The following TG variants were observed in gnomAD, a reference collection of about 807,000 sequenced individuals.
TG encodes thyroglobulin, also known as thyroid hormones.
A neutral mutation model predicts 324.7 loss-of-function variants in TG; 270 were observed. The ratio of observed to expected loss-of-function variants is 0.83; its 90% CI spans 0.75 to 0.92. TG has a LOEUF of 0.92. TG is among the 40% of genes least tolerant of loss of function. TG has a pLI of 0.00. For missense variants in TG, 3,591 were observed against 3,456.4 expected, an observed-to-expected ratio of 1.04 and a Z score of -0.98; for synonymous variants, 1,401 against 1,327.0, an observed-to-expected ratio of 1.06 and a Z score of -1.21.
intron 41 of TG, among the ~76,000 whole-genome samples, chr8:133,070,365 G>A (rs1051664041): frequency 6.6e-6 from 1 of 152,184 alleles, no homozygotes; most frequent in Non-Finnish European, 1.5e-5. Flanking sequence ...TTGCCCACAG[G>A]CCTCTCTATT....
At chr8:133,067,909 AG>A (rs767288690) in intron 41 of TG, among the ~76,000 whole-genome samples, 4,919 of 60,044 alleles carry the variant, frequency 0.082, 190 homozygotes, top group Non-Finnish European at 0.13. Context: ...GAAGGAAGGA[AG>A]GAAGGAAAGA....
chr8:132,893,021 GTGGTATGTGTGTA>G (rs1816476557), intron 10 of TG, among the ~76,000 whole-genome samples: 1 of 148,942 alleles, frequency 6.7e-6, no homozygotes, highest in Admixed American at 6.7e-5. Flanking sequence ...GTGTGTGTGT[GTGGTATGTGTGTA>G]TGGTATGTGA....
At chr8:133,075,257 T>C in intron 41 of TG, 1 of 397,638 alleles carries the variant, frequency 2.5e-6, no homozygotes, top group Non-Finnish European at 3.4e-6. Flanking sequence ...TCAATGGGGC[T>C]GTGAATTTGC....
chr8:132,931,640 A>G (rs1003561292), intron 23 of TG, among the ~76,000 whole-genome samples: 1 of 152,180 alleles, frequency 6.6e-6, no homozygotes, highest in African/African-American at 2.4e-5. Flanking sequence ...GCCAGGGTCT[A>G]GGGTGCTCAT....
chr8:133,110,104 C>T (rs966394318), intron 43 of TG, among the ~76,000 whole-genome samples: 7 of 152,256 alleles, frequency 4.6e-5, no homozygotes, highest in South Asian at 2.1e-4. Flanking sequence ...ATGCCTGCCA[C>T]GTAGCAAAGC....
At chr8:133,022,196 G>GTTTC (rs773087515) in intron 40 of TG, 46 bp downstream of exon 40, 9 of 1,612,922 alleles carry the variant, frequency 5.6e-6, no homozygotes, top group Non-Finnish European at 7.6e-6. Context: ...CTGAGCCAAG[G>GTTTC]CTCAGCCCCT....
chr8:132,887,586 G>C, intron 9 of TG, 38 bp downstream of exon 9: 1 of 1,614,054 alleles, frequency 6.2e-7, no homozygotes, highest in Non-Finnish European at 8.5e-7. Flanking sequence ...GGTTCCCTGA[G>C]TCTCTCTTTA....
At chr8:133,030,913 G>T (rs375950482) in intron 41 of TG, among the ~76,000 whole-genome samples, 175 of 152,340 alleles carry the variant, frequency 1.1e-3, no homozygotes, top group African/African-American at 4.0e-3. Flanking sequence ...GAGCCAGACT[G>T]CCCTGAACAG....
At chr8:132,926,774 A>C (rs1000502755) in intron 22 of TG, among the ~76,000 whole-genome samples, 1 of 152,190 alleles carries the variant, frequency 6.6e-6, no homozygotes, top group Admixed American at 6.5e-5. Context: ...CCTCACAACC[A>C]GAAAACTGAA....
intron 5 of TG, among the ~76,000 whole-genome samples, chr8:132,879,681 T>C (rs1175645785): frequency 2.0e-5 from 3 of 152,128 alleles, no homozygotes; most frequent in Admixed American, 2.0e-4. Context: ...CTTAGGGTGA[T>C]CTTACTGGGA....
At chr8:132,976,979 A>C (rs1003919080) in intron 34 of TG, among the ~76,000 whole-genome samples, 1 of 152,234 alleles carries the variant, frequency 6.6e-6, no homozygotes, top group Non-Finnish European at 1.5e-5. Context: ...CAGTATTCTC[A>C]CAGGTGGGCC....
intron 3 of TG, 121 bp downstream of exon 3, chr8:132,869,947 C>T: frequency 1.3e-6 from 1 of 790,834 alleles, no homozygotes; most frequent in Non-Finnish European, 2.1e-6. Context: ...CTGGCTTCTC[C>T]TCTGTGAATA....
Position 132,906,640 on chromosome 8 carries a change from C to G in TG, c.3635-48C>G, listed in dbSNP as rs775819855. On this transcript the variant is annotated intron_variant, in intron 16 of 47. Transcript: ENST00000220616. Reference sequence around the variant, plus strand: ...CCCACAAGCAGGCATGCTCAGTCGTCCCGAGGCTGGGCAGGTGCCCACCAC... The same window carrying G: ...CCCACAAGCAGGCATGCTCAGTCGTGCCGAGGCTGGGCAGGTGCCCACCAC... The G allele has an allele frequency of 1.1e-5, 17 of 1,608,022 alleles. No individual in the cohort carries two copies. The Admixed American group carries it at 2.8e-4, about 27-fold the overall frequency.
In TG at chr8:133,019,657, G is replaced by T. The variant is rs1310024152; in HGVS notation, c.6838G>T (p.Asp2280Tyr). The T allele has an allele frequency of 6.2e-7, 1 of 1,613,616 alleles. No individual in the cohort carries two copies. The highest frequency in any genetic ancestry group is 1.3e-5 in the African/African-American group (1 of 74,938). ...RTSTSPGVSEDCLYLNVFIPQ... is the reference protein window; with the variant it reads ...RTSTSPGVSEYCLYLNVFIPQ... ...ATCCACGTCTCCTGGAGTCAGTGAAGATTGTTTGTATCTCAATGTGTTCAT... is the reference window on the plus strand; with the variant it reads ...ATCCACGTCTCCTGGAGTCAGTGAATATTGTTTGTATCTCAATGTGTTCAT... Residue 2280 changes from aspartate (D) to tyrosine (Y), a missense_variant, in exon 39 of 48, where the codon GAT becomes TAT. By Grantham distance (160) the Asp-to-Tyr change is radical. Transcript: ENST00000220616.
intron 41 of TG, among the ~76,000 whole-genome samples, chr8:133,078,141 G>A (rs1352060163): frequency 6.6e-6 from 1 of 152,206 alleles, no homozygotes; most frequent in Non-Finnish European, 1.5e-5. Context: ...TTGGGTGGCT[G>A]TGTCACCCAT....
At chr8:133,108,401 C>T (rs1850002928) in intron 43 of TG, among the ~76,000 whole-genome samples, 1 of 152,096 alleles carries the variant, frequency 6.6e-6, no homozygotes, top group South Asian at 2.1e-4. Context: ...ATGGACTTTC[C>T]CTGGCCTGTC....
chr8:132,923,639 G>T, intron 22 of TG, 131 bp downstream of exon 22: 4 of 1,140,546 alleles, frequency 3.5e-6, no homozygotes, highest in Non-Finnish European at 4.9e-6. Context: ...TTTAATCTGT[G>T]TAGAAGTTGG....
chr8:133,022,379 A>T (rs1835645478), intron 40 of TG, among the ~76,000 whole-genome samples: 1 of 152,212 alleles, frequency 6.6e-6, no homozygotes, highest in African/African-American at 2.4e-5. Flanking sequence ...CACTGCTCCA[A>T]GTCCATTACA....
Position 132,886,471 on chromosome 8 carries a change from G to A in TG, c.1099G>A (p.Glu367Lys), listed in dbSNP as rs146293727. ...SCAEGQSCAS[E>K]RQQALSRLYF... ...AGCTGAAGGCCAATCTTGTGCCTCC[G>A]AAAGGCAGCAGGCCTTGTCCAGACT... Residue 367 changes from glutamate to lysine, a missense_variant, in exon 9 of 48, where the codon GAA (glutamate) becomes AAA (lysine). By Grantham distance (56) the Glu-to-Lys change is moderately conservative. Transcript: ENST00000220616. 2.5e-5 allele frequency: 40 copies of A among 1,614,010 alleles called. No homozygotes were observed. The highest frequency in any genetic ancestry group is 5.0e-5 in the Admixed American group (3 of 59,988).
Sources: gnomAD v4.1 joint callset for allele counts (sites outside exome capture counted in the v4.1 genomes callset) on GRCh38, gnomAD v4.1.1 for gene constraint, MANE v1.5 for transcripts, NCBI Gene and HGNC (gene_info 2026-07-23, HGNC 2026-07-21) for gene names.